CPQ: variants seen among roughly 807,000 people sequenced by gnomAD.
CPQ encodes the protein Ser-Met dipeptidase.
Under a neutral mutation model 45.7 loss-of-function variants are expected in CPQ, and 37 were observed. The observed-to-expected ratio is 0.81, with a 90% CI of 0.62 to 1.07. The LOEUF (loss-of-function observed/expected upper bound fraction) is 1.07. Among genes scored for constraint, CPQ ranks in the 50% least tolerant of loss-of-function variants. The probability of loss-of-function intolerance (pLI) is 0.00; values close to 1 mark genes in which losing one functional copy is unlikely to be tolerated. For synonymous variants in CPQ, 186 were observed against 205.8 expected, an observed-to-expected ratio of 0.90 and a Z score of 0.82; for missense variants, 537 against 572.9, an observed-to-expected ratio of 0.94 and a Z score of 0.64.
intron 3 of CPQ, among the ~76,000 whole-genome samples, chr8:96,843,135 G>A (rs886085218): frequency 2.0e-5 from 3 of 152,090 alleles, no homozygotes; most frequent in Non-Finnish European, 2.9e-5. Flanking sequence ...TTGAACTCTC[G>A]ACCTCAGGTG....
intron 2 of CPQ, among the ~76,000 whole-genome samples, chr8:96,795,320 A>G (rs1048284278): frequency 6.6e-6 from 1 of 152,070 alleles, no homozygotes; most frequent in Non-Finnish European, 1.5e-5. Context: ...AAACGATGAG[A>G]TCTTGTGAGA....
At chr8:96,909,262 T>G (rs1350634971) in intron 4 of CPQ, among the ~76,000 whole-genome samples, 1 of 151,966 alleles carries the variant, frequency 6.6e-6, no homozygotes. Flanking sequence ...TCTAGATTGT[T>G]TTAATGGCCA....
At chr8:97,058,069 A>G (rs775548439) in intron 6 of CPQ, among the ~76,000 whole-genome samples, 1 of 152,144 alleles carries the variant, frequency 6.6e-6, no homozygotes, top group Non-Finnish European at 1.5e-5. Context: ...ATATTTGTAA[A>G]GAGTACTTGA....
chr8:96,679,822 A>G (rs1204401211), intron 1 of CPQ, among the ~76,000 whole-genome samples: 1 of 147,908 alleles, frequency 6.8e-6, no homozygotes, highest in Non-Finnish European at 1.5e-5. Flanking sequence ...TTTCTTGGTT[A>G]CTATAGCTAG....
At chr8:96,682,185 T>C (rs2464487) in intron 1 of CPQ, among the ~76,000 whole-genome samples, 107,710 of 151,902 alleles carry the variant, frequency 0.71, 38,599 homozygotes, top group Middle Eastern at 0.82. Context: ...ATGATATGGT[T>C]TGGCTGTGTT....
At chr8:96,734,363 A>G (rs1330886244) in intron 1 of CPQ, among the ~76,000 whole-genome samples, 1 of 152,048 alleles carries the variant, frequency 6.6e-6, no homozygotes. Context: ...TCCATTCTCC[A>G]TGTTGCAACC....
intron 5 of CPQ, among the ~76,000 whole-genome samples, chr8:96,997,823 A>T (rs1563549769): frequency 6.6e-6 from 1 of 152,018 alleles, no homozygotes; most frequent in Non-Finnish European, 1.5e-5. Context: ...TGAGAACAAT[A>T]TTAAGTCTTA....
At chr8:97,032,021 TA>T (rs1255745768) in intron 6 of CPQ, among the ~76,000 whole-genome samples, 7 of 152,174 alleles carry the variant, frequency 4.6e-5, no homozygotes, top group Admixed American at 4.6e-4. Flanking sequence ...GTTAATATAA[TA>T]AGCAAGTCAC....
At chr8:97,011,705 G>T (rs1809487733) in intron 5 of CPQ, among the ~76,000 whole-genome samples, 1 of 152,170 alleles carries the variant, frequency 6.6e-6, no homozygotes, top group Non-Finnish European at 1.5e-5. Context: ...TTGCTTTGCA[G>T]AATTAAATGA....
At chr8:96,732,426 G>C (rs1469171011) in intron 1 of CPQ, 1 of 152,146 alleles carries the variant, frequency 6.6e-6, no homozygotes, top group Non-Finnish European at 1.5e-5. Flanking sequence ...GATGTTTGGT[G>C]GGCTCAGTGG....
chr8:97,045,028 G>A (rs1417581466), intron 6 of CPQ, among the ~76,000 whole-genome samples: 1 of 152,144 alleles, frequency 6.6e-6, no homozygotes, highest in Non-Finnish European at 1.5e-5. Flanking sequence ...TGTCAGACAG[G>A]GACATTTAAG....
chr8:96,845,718 G>A (rs559533170), intron 3 of CPQ, among the ~76,000 whole-genome samples: 121 of 152,278 alleles, frequency 7.9e-4, no homozygotes, highest in Non-Finnish European at 5.0e-4. Flanking sequence ...TGAAAGAATA[G>A]TAAATGACTC....
At chr8:96,793,026 G>A (rs893651024) in intron 2 of CPQ, among the ~76,000 whole-genome samples, 1 of 151,650 alleles carries the variant, frequency 6.6e-6, no homozygotes, top group African/African-American at 2.4e-5. Context: ...CAGCATGGGG[G>A]TTACTGCCCC....
chr8:96,813,232 T>C (rs1175798586), intron 2 of CPQ, among the ~76,000 whole-genome samples: 1 of 152,150 alleles, frequency 6.6e-6, no homozygotes, highest in African/African-American at 2.4e-5. Context: ...TCAAGAGATA[T>C]TCTAGGCACT....
intron 1 of CPQ, among the ~76,000 whole-genome samples, chr8:96,666,016 G>A (rs1442443059): frequency 2.0e-5 from 3 of 152,152 alleles, no homozygotes; most frequent in African/African-American, 4.8e-5. Flanking sequence ...AAGCACCAGG[G>A]TCAGTTAGGA....
chr8:96,980,758 A>G (rs941759398), intron 5 of CPQ, among the ~76,000 whole-genome samples: 2 of 152,176 alleles, frequency 1.3e-5, no homozygotes, highest in Non-Finnish European at 2.9e-5. Context: ...TGGATAAGTT[A>G]ACTCACAAAC....
intron 2 of CPQ, among the ~76,000 whole-genome samples, chr8:96,807,872 A>G (rs1389090950): frequency 6.6e-6 from 1 of 152,334 alleles, no homozygotes; most frequent in African/African-American, 2.4e-5. Context: ...ATCTGTATTT[A>G]CATTTGAAAG....
In CPQ at chr8:96,701,179, A is replaced by G. The variant is rs77990522; in HGVS notation, c.-35+55777A>G. ...CTGACTTGGGTTTGAATCCTTGCTC[A>G]GCAACTTACTTTCCACATGATTTTT... On this transcript the variant is annotated intron_variant, in intron 1 of 7. Transcript: ENST00000220763. Among the ~76,000 whole-genome samples, 478 of 152,356 alleles carry G rather than the reference A, an allele frequency of 3.1e-3. 2 individuals carry two copies. The highest frequency in any genetic ancestry group is 7.7e-3 in the South Asian group (37 of 4,830).
chr8:96,809,487 A>C (rs868766656), intron 2 of CPQ, among the ~76,000 whole-genome samples: 1 of 152,342 alleles, frequency 6.6e-6, no homozygotes, highest in Middle Eastern at 3.4e-3. Context: ...GAAGACAGAC[A>C]CAAAACATTA....
Sources: allele counts gnomAD v4.1 joint callset (sites outside exome capture counted in the v4.1 genomes callset), GRCh38; gene constraint gnomAD v4.1.1; transcripts MANE v1.5; gene names NCBI Gene and HGNC (gene_info 2026-07-23, HGNC 2026-07-21).